The following ILK variants were observed in gnomAD, a reference collection of about 807,000 sequenced individuals.
ILK encodes integrin linked kinase, also known as scaffold protein ILK.
In ILK, 37 loss-of-function variants were observed where a neutral mutation model predicts 57.8. The ratio of observed to expected loss-of-function variants is 0.64; its 90% CI spans 0.49 to 0.84. The LOEUF (loss-of-function observed/expected upper bound fraction) is 0.84. Among genes scored for constraint, ILK ranks in the 40% least tolerant of loss-of-function variants. ILK has a pLI of 0.00. For missense variants in ILK, 528 were observed against 595.7 expected (o/e 0.89, Z 1.18); for synonymous variants, 231 against 202.2 (o/e 1.14, Z -1.21).
intron 1 of ILK, 79 bp downstream of exon 1, chr11:6,603,901 G>A (rs1854549217): frequency 2.3e-6 from 1 of 433,698 alleles, no homozygotes; most frequent in Admixed American, 3.8e-5. Flanking sequence ...CCAACCCTGG[G>A]GAGGACCCCC....
At chr11:6,604,892 G>A (rs893494002) in intron 2 of ILK, 1 of 456,412 alleles carries the variant, frequency 2.2e-6, no homozygotes. Context: ...GTGGAAAGGA[G>A]GCAATTGCCT....
At chr11:6,607,734 C>G in intron 2 of ILK, 2 of 408,712 alleles carry the variant, frequency 4.9e-6, no homozygotes, top group South Asian at 2.3e-5. Context: ...CAGAAAGGAC[C>G]AATAGATGTT....
At chr11:6,603,867 C>T (rs1320432871) in intron 1 of ILK, 45 bp downstream of exon 1, 1 of 381,504 alleles carries the variant, frequency 2.6e-6, no homozygotes, top group Non-Finnish European at 4.8e-6. Context: ...CTCACTTCTC[C>T]TGAGTCCCAA....
Position 6,608,225 on chromosome 11 carries a change from CCTT to C in ILK, c.255+16_255+18del, listed in dbSNP as rs1392409059. 2.5e-6 allele frequency: 4 copies of C among 1,614,074 alleles called. No individual in the cohort carries two copies. The South Asian group carries it at 3.3e-5, about 13-fold the overall frequency. ...ATTGTACAGAAGGTACGTACAAACT[CCTT>C]CGTCATCCACATCACATACATGCCA... On this transcript the variant is annotated intron_variant, in intron 3 of 12. Transcript: ENST00000299421. This position sits in a 1 kb window ranked among gnomAD's most constrained non-coding sequence, Gnocchi z 4.9.
rs1345126789 is a variant in ILK, at chr11:6,610,593, G to A, written c.1341G>A (p.Glu447=). The A allele has an allele frequency of 3.1e-6, 5 of 1,614,246 alleles. No homozygotes were observed. Among genetic ancestry groups the A allele is most frequent in the Non-Finnish European group, 4.2e-6 (5 of 1,180,046 alleles). ...TTGACATGATTGTGCCTATCCTTGA[G>A]AAGATGCAGGACAAGTAGGACTGGA... The part of the protein sequence containing the change: ...PKFDMIVPIL[E]KMQDK Residue 447 remains glutamate (E), a synonymous_variant, in exon 13 of 13, where the codon GAG becomes GAA. Transcript: ENST00000299421.
rs557435914 is a variant in ILK, at chr11:6,608,524, G to C, written c.351+35G>C. The stretch of plus-strand genomic sequence containing the variant: ...CAGCCCTTAATTCCTGAGATGGGTA[G>C]GAAGTAAAGTCTGAGCCTTGGTGGG... On this transcript the variant is annotated intron_variant, in intron 4 of 12. Coordinates refer to ENST00000299421, the MANE Select transcript of ILK (RefSeq NM_004517.4). The surrounding 1 kb of genome is among the most constrained non-coding windows in gnomAD (Gnocchi z 4.9). The C allele has an allele frequency of 1.3e-6, 2 of 1,558,038 alleles. No homozygotes were observed. Among genetic ancestry groups the C allele is most frequent in the African/African-American group, 2.7e-5 (2 of 73,858 alleles).
In ILK at chr11:6,608,125, G is replaced by C. The variant is rs778110752; in HGVS notation, c.169G>C (p.Gly57Arg). The C allele has an allele frequency of 6.8e-6, 11 of 1,614,000 alleles. No homozygotes were observed. The South Asian group carries it at 1.2e-4, about 18-fold the overall frequency. ...TGTGGTTGAGATGTTGATCATGCGGGGGGCACGGATCAATGTAATGAACCG... is the reference window on the plus strand; with the variant it reads ...TGTGGTTGAGATGTTGATCATGCGGCGGGCACGGATCAATGTAATGAACCG... The part of the protein sequence containing the change: ...SAVVEMLIMR[G>R]ARINVMNRGD... Residue 57 changes from glycine to arginine, a missense_variant, in exon 3 of 13, where the codon GGG becomes CGG. Gly to Arg is a moderately radical substitution (Grantham distance 125, BLOSUM62 -2). Transcript: ENST00000299421. The surrounding 1 kb of genome is among the most constrained non-coding windows in gnomAD (Gnocchi z 4.9).
intron 7 of ILK, 53 bp downstream of exon 7, chr11:6,609,209 C>A: frequency 6.3e-7 from 1 of 1,599,280 alleles, no homozygotes; most frequent in African/African-American, 1.3e-5. Flanking sequence ...AAATTACTTG[C>A]TTTGTACCTG....
intron 2 of ILK, among the ~76,000 whole-genome samples, chr11:6,605,326 T>G (rs1589926558): frequency 6.6e-6 from 1 of 151,508 alleles, no homozygotes; most frequent in Non-Finnish European, 1.5e-5. Context: ...AGGCAAGAGG[T>G]CAGGGGACAG....
chr11:6,607,887 G>A, intron 2 of ILK, 159 bp from the exon 3 acceptor site: 1 of 707,060 alleles, frequency 1.4e-6, no homozygotes, highest in South Asian at 1.7e-5. Flanking sequence ...TCAGGGGAAG[G>A]TCTGAAATGG....
chr11:6,604,723 A>T, intron 2 of ILK: 1 of 476,254 alleles, frequency 2.1e-6, no homozygotes, highest in Non-Finnish European at 4.0e-6. Context: ...AAAGAACAGG[A>T]CATAAGACTG....
Position 6,609,635 on chromosome 11 carries a change from C to T in ILK, c.852C>T (p.Gly284=), listed in dbSNP as rs1292157006. The T allele has an allele frequency of 1.9e-6, 3 of 1,614,190 alleles. No individual in the cohort carries two copies. Among genetic ancestry groups the T allele is most frequent in the Non-Finnish European group, 2.5e-6 (3 of 1,180,024 alleles). Residue 284 remains glycine (G), a synonymous_variant, in exon 9 of 13, where the codon GGC becomes GGT. Transcript: ENST00000299421. ...CCCTCTACAATGTACTACATGAAGG[C>T]ACCAGTGAGTAGGGATGTTGAATTT... ...YGSLYNVLHE[G]TNFVVDQSQA...
At chr11:6,604,146 C>T (rs533142901) in intron 1 of ILK, 34 bp from the exon 2 acceptor site, 162 of 877,422 alleles carry the variant, frequency 1.8e-4, no homozygotes, top group Non-Finnish European at 2.8e-4. Context: ...AGCTCAGGCC[C>T]CCTACCCCCA....
chr11:6,610,214 T>C lies in ILK; in HGVS notation c.1145T>C (p.Leu382Pro). ...GACATGTGGAGTTTTGCAGTGCTTCTGTGGGAACTGGTGACACGGGAGGTA... is the reference window on the plus strand; with the variant it reads ...GACATGTGGAGTTTTGCAGTGCTTCCGTGGGAACTGGTGACACGGGAGGTA... ...SADMWSFAVL[L>P]WELVTREVPF... The change falls in exon 12 of 13, where the codon CTG becomes CCG. Residue 382 changes from leucine to proline, a missense_variant. Coordinates refer to ENST00000299421, the MANE Select transcript of ILK (RefSeq NM_004517.4). The C allele has an allele frequency of 6.2e-7, 1 of 1,614,240 alleles. No individual in the cohort carries two copies. The highest frequency in any genetic ancestry group is 8.5e-7 in the Non-Finnish European group (1 of 1,180,036).
At position 6,608,924 on chromosome 11, in the gene ILK, A is replaced by C. The variant is rs780463048; in HGVS notation, c.489A>C (p.Pro163=). 2.5e-6 allele frequency: 4 copies of C among 1,614,190 alleles called. No homozygotes were observed. Among genetic ancestry groups the C allele is most frequent in the Admixed American group, 1.7e-5 (1 of 60,020 alleles). Residue 163 remains proline (P), a synonymous_variant, in exon 6 of 13, where the codon CCA becomes CCC. Transcript: ENST00000299421. This position sits in a 1 kb window ranked among gnomAD's most constrained non-coding sequence, Gnocchi z 4.9. ...EKMGQNLNRI[P]YKDTFWKGTT... is the part of the protein sequence containing the mutation. ...TGGGCCAGAATCTCAACCGTATTCC[A>C]TACAAGGACACATTCTGGAAGGGGA...
At position 6,609,634 on chromosome 11, in the gene ILK, G is replaced by A. The variant is rs765781018; in HGVS notation, c.851G>A (p.Gly284Asp). ...YGSLYNVLHE[G>D]TNFVVDQSQA... The stretch of plus-strand genomic sequence containing the variant: ...TCCCTCTACAATGTACTACATGAAG[G>A]CACCAGTGAGTAGGGATGTTGAATT... Residue 284 changes from glycine to aspartate, a missense_variant, in exon 9 of 13, where the codon GGC becomes GAC. By Grantham distance (94) the Gly-to-Asp change is moderately conservative (BLOSUM62 -1). Transcript: ENST00000299421. 1 of 1,614,182 alleles carries A rather than the reference G, an allele frequency of 6.2e-7. No individual in the cohort carries two copies. The highest frequency in any genetic ancestry group is 1.1e-5 in the South Asian group (1 of 91,080).
At position 6,608,571 on chromosome 11, in the gene ILK, A is replaced by AT; in HGVS notation, c.351+84dup. 1 of 1,364,916 alleles carries AT rather than the reference A, an allele frequency of 7.3e-7. No homozygotes were observed. The highest frequency in any genetic ancestry group is 1.2e-5 in the South Asian group (1 of 86,022). 84.6% of individuals were successfully genotyped at this position (1,364,916 alleles called of 1,614,324 possible). On this transcript the variant is annotated intron_variant, in intron 4 of 12. Coordinates refer to ENST00000299421, the MANE Select transcript of ILK (RefSeq NM_004517.4). The surrounding 1 kb of genome is among the most constrained non-coding windows in gnomAD (Gnocchi z 4.9). The stretch of plus-strand genomic sequence containing the variant: ...TGGGAGATTTTGGAACCCTCAACCC[A>AT]TTCTGTCAGTACTACTGTGTGACAC...
Position 6,604,933 on chromosome 11 carries a change from C to T in ILK, c.89+573C>T, listed in dbSNP as rs146304131. On this transcript the variant is annotated intron_variant, in intron 2 of 12. Coordinates refer to ENST00000299421, the MANE Select transcript of ILK (RefSeq NM_004517.4). ...ATCGTAGAAGTAATGATGTCTTGGA[C>T]TAGAATTAGGGTGAGTGAAAAAGAG... 2.7e-3 allele frequency: 1,249 copies of T among 455,736 alleles called. 12 individuals are homozygous for T. Among genetic ancestry groups the T allele is most frequent in the African/African-American group, 0.022 (1,090 of 50,114 alleles). 28.2% of individuals were successfully genotyped at this position (455,736 alleles called of 1,614,324 possible).
chr11:6,605,109 T>C (rs1854724806), intron 2 of ILK, among the ~76,000 whole-genome samples: 1 of 152,170 alleles, frequency 6.6e-6, no homozygotes, highest in South Asian at 2.1e-4. Flanking sequence ...GGCATTTTAT[T>C]TTGGACATGT....
Sources: allele counts gnomAD v4.1 joint callset (sites outside exome capture counted in the v4.1 genomes callset), GRCh38; gene constraint gnomAD v4.1.1; non-coding constraint Gnocchi (gnomAD v3.1); transcripts MANE v1.5; gene names NCBI Gene and HGNC (gene_info 2026-07-23, HGNC 2026-07-21).